Variants in S1PR2 observed in about 807,000 individuals in gnomAD.
S1PR2 encodes the protein sphingosine 1-phosphate receptor 2.
Under a neutral mutation model 16.1 loss-of-function variants are expected in S1PR2, and 9 were observed. The ratio of observed to expected loss-of-function variants is 0.56; its 90% CI spans 0.34 to 0.98. The LOEUF is 0.98. S1PR2 is among the 50% of genes least tolerant of loss of function. The probability of loss-of-function intolerance (pLI) is 0.02; values close to 1 mark genes in which losing one functional copy is unlikely to be tolerated. For missense variants in S1PR2, 361 were observed against 488.4 expected (o/e 0.74, Z 2.46); for synonymous variants, 224 against 233.9 (o/e 0.96, Z 0.38).
intron 1 of S1PR2, among the ~76,000 whole-genome samples, chr19:10,230,684 T>C (rs2039669599): frequency 6.6e-6 from 1 of 152,278 alleles, no homozygotes. Flanking sequence ...TTCTCTTTCC[T>C]TACAAAACAA....
rs528470769 is a variant in S1PR2 at position 10,224,001 on chromosome 19, G to A, written c.905C>T (p.Pro302Leu). The A allele has an allele frequency of 2.1e-5, 34 of 1,611,690 alleles. No homozygotes were observed. The Admixed American group carries it at 3.2e-4, about 15-fold the overall frequency. Residue 302 changes from proline (P) to leucine (L), a missense_variant, in exon 2 of 2, where the codon CCG (proline) becomes CTG (leucine). Transcript: ENST00000646641. ...SRDLRREVLR[P>L]LQCWRPGVGV... ...CACCCCCGGCCTCCAGCACTGCAGCGGCCGAAGCACCTCCCGCCGCAGGTC... is the reference window on the plus strand; with the variant it reads ...CACCCCCGGCCTCCAGCACTGCAGCAGCCGAAGCACCTCCCGCCGCAGGTC...
chr19:10,223,772 C>G lies in S1PR2; in HGVS notation c.*72G>C. 1 of 1,390,946 alleles carries G rather than the reference C, an allele frequency of 7.2e-7. No individual in the cohort carries two copies. Among genetic ancestry groups the G allele is most frequent in the Non-Finnish European group, 9.8e-7 (1 of 1,025,552 alleles). 86.2% of individuals were successfully genotyped at this position (1,390,946 alleles called of 1,614,324 possible). ...CATCTGGCTCAGTAGCCCCAAGTCTCTATCTGGGGTCACCCAGTGGCCTCT... is the reference window on the plus strand; with the variant it reads ...CATCTGGCTCAGTAGCCCCAAGTCTGTATCTGGGGTCACCCAGTGGCCTCT... On this transcript the variant is annotated 3_prime_UTR_variant, in exon 2 of 2. Coordinates refer to ENST00000646641, the MANE Select transcript of S1PR2 (RefSeq NM_004230.4).
intron 1 of S1PR2, among the ~76,000 whole-genome samples, chr19:10,229,892 C>T (rs2039659270): frequency 6.6e-6 from 1 of 152,110 alleles, no homozygotes; most frequent in Admixed American, 6.6e-5. Flanking sequence ...ACAGTCAATG[C>T]CTAAGGCCAG....
rs2039675132 is a variant in S1PR2 at position 10,231,193 on chromosome 19, C to G, written c.-43+11G>C. 6.6e-6 allele frequency: 1 copy of G among 152,446 alleles called. No individual in the cohort carries two copies. The highest frequency in any genetic ancestry group is 2.4e-5 in the African/African-American group (1 of 41,468). The allele number at this position is 152,446 out of a possible 1,614,324, so 9.4% of individuals were successfully genotyped here. On this transcript the variant is annotated intron_variant, in intron 1 of 1. Transcript: ENST00000646641. ...CGCCTTTTCTGCCTCCTTGTCGCCA[C>G]GCGCGCTCACCTGGCTAGGCCGGCC...
chr19:10,227,479 AG>A (rs1278464940), intron 1 of S1PR2, among the ~76,000 whole-genome samples: 2 of 152,168 alleles, frequency 1.3e-5, no homozygotes, highest in Non-Finnish European at 2.9e-5. Context: ...CCTCCCAGAT[AG>A]CCACACAGAG....
intron 1 of S1PR2, chr19:10,230,592 G>A (rs1410468165): frequency 2.6e-5 from 4 of 153,576 alleles, no homozygotes; most frequent in Admixed American, 2.0e-4. Context: ...GGCCACGCGA[G>A]GTCCGCGCCA....
chr19:10,224,823 T>C lies in S1PR2; in HGVS notation c.83A>G (p.Gln28Arg), dbSNP rs1568275530. ...GGCCACCTGGCGGGAGGTCGTCTCC[T>C]GCGTTTCCAGCGTCTCCTTGGTATA... Reference protein sequence around the residue: ...YNYTKETLETQETTSRQVASA... With the variant: ...YNYTKETLETRETTSRQVASA... Residue 28 changes from glutamine (Q) to arginine (R), a missense_variant, in exon 2 of 2, where the codon CAG (glutamine) becomes CGG (arginine). Transcript: ENST00000646641. The C allele has an allele frequency of 1.2e-6, 2 of 1,614,240 alleles. No homozygotes were observed. The highest frequency in any genetic ancestry group is 1.7e-6 in the Non-Finnish European group (2 of 1,180,050).
intron 1 of S1PR2, among the ~76,000 whole-genome samples, chr19:10,226,452 T>C (rs986211785): frequency 7.2e-5 from 11 of 152,102 alleles, no homozygotes; most frequent in Non-Finnish European, 1.2e-4. Context: ...TTCATGGGGG[T>C]GATGGGAAAA....
At chr19:10,230,120 G>A (rs2039661305) in intron 1 of S1PR2, among the ~76,000 whole-genome samples, 2 of 152,310 alleles carry the variant, frequency 1.3e-5, no homozygotes, top group African/African-American at 4.8e-5. Flanking sequence ...CGCCCCCATC[G>A]CCCACCATCA....
At position 10,224,616 on chromosome 19, in the gene S1PR2, G is replaced by A. The variant is rs1431090035; in HGVS notation, c.290C>T (p.Thr97Met). 3.7e-6 allele frequency: 6 copies of A among 1,614,074 alleles called. No individual in the cohort carries two copies. The highest frequency in any genetic ancestry group is 1.3e-5 in the African/African-American group (1 of 75,088). Reference protein sequence around the residue: ...VANTLLSGSVTLRLTPVQWFA... With the variant: ...VANTLLSGSVMLRLTPVQWFA... Reference sequence around the variant, plus strand: ...CCACTGCACAGGCGTCAGCCTCAGCGTGACAGAGCCAGAGAGCAAGGTATT... The same window carrying A: ...CCACTGCACAGGCGTCAGCCTCAGCATGACAGAGCCAGAGAGCAAGGTATT... The change falls in exon 2 of 2, where the codon ACG (threonine) becomes ATG (methionine). Residue 97 changes from threonine (T) to methionine (M), a missense_variant. Transcript: ENST00000646641.
intron 1 of S1PR2, among the ~76,000 whole-genome samples, chr19:10,228,729 C>T (rs959066992): frequency 6.6e-6 from 1 of 152,144 alleles, no homozygotes; most frequent in African/African-American, 2.4e-5. Context: ...ACCAAGTCTG[C>T]CCTGACTCCC....
At chr19:10,230,874 C>T (rs1221892668) in intron 1 of S1PR2, among the ~76,000 whole-genome samples, 4 of 152,180 alleles carry the variant, frequency 2.6e-5, no homozygotes, top group African/African-American at 4.8e-5. Context: ...TGCCCCCCCC[C>T]AAACACACTC....
rs1188657822 is a variant in S1PR2 at position 10,224,408 on chromosome 19, G to A, written c.498C>T (p.Pro166=). 3 of 1,613,674 alleles carry A rather than the reference G, an allele frequency of 1.9e-6. No homozygotes were observed. The highest frequency in any genetic ancestry group is 2.5e-6 in the Non-Finnish European group (3 of 1,180,020). ...WLISLVLGGL[P]ILGWNCLGHL... is the part of the protein sequence containing the mutation. ...GGCCCAGGCAGTTCCAGCCAAGGATGGGCAGGCCACCGAGGACCAGCGAGA... is the reference window on the plus strand; with the variant it reads ...GGCCCAGGCAGTTCCAGCCAAGGATAGGCAGGCCACCGAGGACCAGCGAGA... Residue 166 remains proline, a synonymous_variant, in exon 2 of 2, where the codon CCC becomes CCT. Coordinates refer to ENST00000646641, the MANE Select transcript of S1PR2 (RefSeq NM_004230.4).
At position 10,226,116 on chromosome 19, in the gene S1PR2, G is replaced by A. The variant is rs548423011; in HGVS notation, c.-42-1169C>T. On this transcript the variant is annotated intron_variant, in intron 1 of 1. Transcript: ENST00000646641. The stretch of plus-strand genomic sequence containing the variant: ...TGTCTCTTTTCTGGAACACACAGGC[G>A]CCTGCGCCCTCATGCTGACCTGGGT... Among the ~76,000 whole-genome samples the A allele has an allele frequency of 3.4e-4, 52 of 152,348 alleles. No homozygotes were observed. In the South Asian group the frequency reaches 9.7e-3, roughly 29 times the overall value.
chr19:10,230,242 G>A (rs574282222), intron 1 of S1PR2, among the ~76,000 whole-genome samples: 1 of 152,202 alleles, frequency 6.6e-6, no homozygotes, highest in East Asian at 1.9e-4. Context: ...ATCCACGCTC[G>A]CTCGCGCGGG....
At chr19:10,228,127 C>T (rs1437009753) in intron 1 of S1PR2, among the ~76,000 whole-genome samples, 5 of 136,588 alleles carry the variant, frequency 3.7e-5, no homozygotes, top group Non-Finnish European at 7.7e-5. Flanking sequence ...ATGGTAAAAC[C>T]CCCCTCTACT....
chr19:10,231,169 G>C (rs892499427), intron 1 of S1PR2, 35 bp downstream of exon 1: 7 of 152,384 alleles, frequency 4.6e-5, no homozygotes, highest in Admixed American at 4.6e-4. Flanking sequence ...GACCAGGCCC[G>C]CCTTTTCTGC....
In S1PR2 at chr19:10,224,856, T is replaced by C; in HGVS notation, c.50A>G (p.His17Arg). 2 of 1,613,936 alleles carry C rather than the reference T, an allele frequency of 1.2e-6. No individual in the cohort carries two copies. Among genetic ancestry groups the C allele is most frequent in the Admixed American group, 1.7e-5 (1 of 60,000 alleles). Residue 17 changes from histidine (H) to arginine (R), a missense_variant, in exon 2 of 2, where the codon CAC becomes CGC. Coordinates refer to ENST00000646641, the MANE Select transcript of S1PR2 (RefSeq NM_004230.4). ...EYLNPNKVQE[H>R]YNYTKETLET... ...CAGCGTCTCCTTGGTATAATTATAG[T>C]GTTCCTGGACCTTGTTGGGGTTCAG...
intron 1 of S1PR2, among the ~76,000 whole-genome samples, chr19:10,226,145 G>GGAGA (rs779730945): frequency 2.6e-5 from 4 of 152,186 alleles, no homozygotes; most frequent in Non-Finnish European, 5.9e-5. Context: ...CCTGGGTCAG[G>GGAGA]GAGAGTCTCA....
Sources: allele counts gnomAD v4.1 joint callset (sites outside exome capture counted in the v4.1 genomes callset), GRCh38; gene constraint gnomAD v4.1.1; transcripts MANE v1.5; gene names NCBI Gene and HGNC (gene_info 2026-07-23, HGNC 2026-07-21).